Variants in GPHN observed in about 807,000 individuals in gnomAD.
The protein encoded by GPHN is gephyrin.
Under a neutral mutation model 95.5 loss-of-function variants are expected in GPHN, and 17 were observed. That is an observed-to-expected ratio of 0.18 (90% confidence interval 0.12 to 0.27). The LOEUF (loss-of-function observed/expected upper bound fraction) is 0.27. GPHN is among the 10% of genes least tolerant of loss of function. GPHN has a pLI of 1.00. For synonymous variants in GPHN, 320 were observed against 322.5 expected (o/e 0.99, Z 0.08); for missense variants, 660 against 978.1 (o/e 0.67, Z 4.34).
chr14:67,102,895 G>A (rs946399168), intron 13 of GPHN, among the ~76,000 whole-genome samples: 1 of 152,140 alleles, frequency 6.6e-6, no homozygotes, highest in African/African-American at 2.4e-5. Flanking sequence ...GCAACTCTCT[G>A]AAGCTAAGTT....
the GPHN span, among the ~76,000 whole-genome samples, chr14:67,263,210 G>A: frequency 6.6e-6 from 1 of 152,162 alleles, no homozygotes; most frequent in African/African-American, 2.4e-5. Context: ...AATGTTATGT[G>A]TAATATATAG....
intron 10 of GPHN, among the ~76,000 whole-genome samples, chr14:67,057,014 C>T (rs1013895990): frequency 9.2e-5 from 14 of 152,184 alleles, no homozygotes; most frequent in African/African-American, 3.1e-4. Flanking sequence ...AGAACTCGTG[C>T]TGGCCCGCAA....
the GPHN span, among the ~76,000 whole-genome samples, chr14:67,197,825 T>C: frequency 6.6e-6 from 1 of 152,322 alleles, no homozygotes; most frequent in East Asian, 1.9e-4. Context: ...AATAGGTGTC[T>C]CCAGCCCTAT....
the GPHN span, among the ~76,000 whole-genome samples, chr14:67,283,686 T>C: frequency 2.0e-5 from 3 of 152,140 alleles, no homozygotes; most frequent in African/African-American, 7.2e-5. Flanking sequence ...TTGAGAATTC[T>C]GTGATTTAGT....
At chr14:66,791,175 A>G (rs1345951737) in intron 3 of GPHN, among the ~76,000 whole-genome samples, 5 of 151,994 alleles carry the variant, frequency 3.3e-5, no homozygotes, top group African/African-American at 4.8e-5. Context: ...CTCAAACCCA[A>G]TCCCATCCTT....
At chr14:67,186,957 A>G in the GPHN span, among the ~76,000 whole-genome samples, 2 of 152,172 alleles carry the variant, frequency 1.3e-5, no homozygotes, top group Middle Eastern at 3.2e-3. Flanking sequence ...AAATAAGCCC[A>G]CATGTGAAGA....
chr14:67,117,731 A>G (rs2078772879), intron 16 of GPHN, among the ~76,000 whole-genome samples: 2 of 152,152 alleles, frequency 1.3e-5, no homozygotes, highest in Non-Finnish European at 2.9e-5. Context: ...TATAAATCCA[A>G]TCAGATAACC....
chr14:67,387,071 G>A, the GPHN span: 2 of 309,000 alleles, frequency 6.5e-6, no homozygotes, highest in Non-Finnish European at 1.2e-5. Context: ...CCGAGGAAAT[G>A]GCTGTTTGTG....
intron 10 of GPHN, among the ~76,000 whole-genome samples, chr14:67,044,866 C>CTCTG (rs1594918865): frequency 6.6e-6 from 1 of 151,986 alleles, no homozygotes; most frequent in East Asian, 1.9e-4. Context: ...GTCTCTCTCT[C>CTCTG]TCTGTCTCTC....
At chr14:67,646,426 C>T in the GPHN span, 24 of 516,904 alleles carry the variant, frequency 4.6e-5, no homozygotes, top group South Asian at 1.2e-4. Flanking sequence ...AGATTTTATT[C>T]GTCTTGAGAA....
chr14:66,752,195 C>T (rs934931159), intron 2 of GPHN, among the ~76,000 whole-genome samples: 1 of 152,072 alleles, frequency 6.6e-6, no homozygotes, highest in African/African-American at 2.4e-5. Flanking sequence ...CTATCAAGAC[C>T]ACTCAGACTT....
At chr14:67,058,861 C>A in intron 11 of GPHN, 75 bp downstream of exon 11, 1 of 1,229,578 alleles carries the variant, frequency 8.1e-7, no homozygotes, top group Non-Finnish European at 1.2e-6. Flanking sequence ...CATTAATGCA[C>A]AGTTTTCCTG....
At chr14:67,198,085 T>C in the GPHN span, 1 of 1,524,904 alleles carries the variant, frequency 6.6e-7, no homozygotes, top group Middle Eastern at 1.8e-4. Context: ...GCAACTTAAT[T>C]ATGATATTAA....
At chr14:66,721,074 T>A (rs2153427741) in intron 2 of GPHN, among the ~76,000 whole-genome samples, 1 of 152,320 alleles carries the variant, frequency 6.6e-6, no homozygotes, top group African/African-American at 2.4e-5. Flanking sequence ...GCTTGGCAAT[T>A]TTATGAGCTC....
the GPHN span, among the ~76,000 whole-genome samples, chr14:67,519,404 C>T: frequency 2.0e-5 from 3 of 152,180 alleles, no homozygotes; most frequent in Non-Finnish European, 2.9e-5. Context: ...AGGGTCTCCT[C>T]GGGGCTGTCC....
chr14:67,064,734 G>T (rs746714206), intron 11 of GPHN, among the ~76,000 whole-genome samples: 1 of 152,138 alleles, frequency 6.6e-6, no homozygotes, highest in African/African-American at 2.4e-5. Context: ...GGTGTTTATG[G>T]TATTCTCTGA....
At chr14:67,389,951 C>T in the GPHN span, among the ~76,000 whole-genome samples, 1 of 151,964 alleles carries the variant, frequency 6.6e-6, no homozygotes, top group African/African-American at 2.4e-5. Context: ...CCTCCCTGGC[C>T]CTGGCCTAGC....
At chr14:67,274,150 G>A in the GPHN span, among the ~76,000 whole-genome samples, 9 of 152,062 alleles carry the variant, frequency 5.9e-5, no homozygotes, top group African/African-American at 1.7e-4. Flanking sequence ...GTCAATTTTG[G>A]GTTTTGTTGC....
intron 1 of GPHN, among the ~76,000 whole-genome samples, chr14:66,565,281 T>A (rs1369436926): frequency 1.3e-5 from 2 of 151,976 alleles, no homozygotes; most frequent in African/African-American, 4.8e-5. Context: ...TTACTCAGAA[T>A]TGTCCCCTAT....
Sources: allele counts gnomAD v4.1 joint callset (sites outside exome capture counted in the v4.1 genomes callset), GRCh38; gene constraint gnomAD v4.1.1; transcripts MANE v1.5; gene names NCBI Gene and HGNC (gene_info 2026-07-23, HGNC 2026-07-21).